Variants in DNAH12 observed in about 807,000 individuals in gnomAD.
The protein encoded by DNAH12 is axonemal beta dynein heavy chain 12.
In DNAH12, 285 loss-of-function variants were observed where a neutral mutation model predicts 371.5. The ratio of observed to expected loss-of-function variants is 0.77; its 90% confidence interval spans 0.70 to 0.85. The LOEUF is 0.85. Among genes scored for constraint, DNAH12 ranks in the 40% least tolerant of loss-of-function variants. The pLI is 0.00. For missense variants in DNAH12, 3,611 were observed against 3,689.4 expected (o/e 0.98, Z 0.55); for synonymous variants, 1,200 against 1,213.0 (o/e 0.99, Z 0.22).
rs1336803351 is a variant in DNAH12 at position 57,468,716 on chromosome 3, G to C, written c.2349+20C>G. 2 of 1,296,984 alleles carry C rather than the reference G, an allele frequency of 1.5e-6. No homozygotes were observed. Among genetic ancestry groups the C allele is most frequent in the Non-Finnish European group, 2.0e-6 (2 of 997,950 alleles). The allele number at this position is 1,296,984 out of a possible 1,614,324, so 80.3% of individuals were successfully genotyped here. ...GAGAAGATAGCTATAATATTAAAATGTTATTATATATATTTATACCTTAAA... is the reference window on the plus strand; with the variant it reads ...GAGAAGATAGCTATAATATTAAAATCTTATTATATATATTTATACCTTAAA... On this transcript the variant is annotated intron_variant, in intron 17 of 73. Transcript: ENST00000495027.
chr3:57,294,625 A>G (rs1003599528), intron 73 of DNAH12, among the ~76,000 whole-genome samples: 3 of 152,220 alleles, frequency 2.0e-5, no homozygotes, highest in Non-Finnish European at 4.4e-5. Flanking sequence ...AATACAGTAT[A>G]GGTAGTGGGG....
At chr3:57,365,673 C>T (rs2063034894) in intron 57 of DNAH12, among the ~76,000 whole-genome samples, 2 of 151,928 alleles carry the variant, frequency 1.3e-5, no homozygotes, top group Admixed American at 1.3e-4. Flanking sequence ...ATAATCTTAC[C>T]ACCACAGAGA....
intron 65 of DNAH12, among the ~76,000 whole-genome samples, chr3:57,319,653 C>G (rs1183859197): frequency 6.6e-6 from 1 of 152,096 alleles, no homozygotes; most frequent in Non-Finnish European, 1.5e-5. Flanking sequence ...GATCTCAGCT[C>G]ACTGCACCCT....
chr3:57,361,286 T>C lies in DNAH12; in HGVS notation c.9360+2308A>G, dbSNP rs914861707. Among the ~76,000 whole-genome samples the C allele has an allele frequency of 2.0e-5, 3 of 151,650 alleles. No homozygotes were observed. The East Asian group carries it at 5.8e-4, about 29-fold the overall frequency. ...AATTCCTTGAACCCGGAGGTGGATG[T>C]TGGAGTGTGCTGAGATCACGCCACT... On this transcript the variant is annotated intron_variant, in intron 58 of 73. Coordinates refer to ENST00000495027, the MANE Select transcript of DNAH12 (RefSeq NM_001366028.2).
rs567933934 is a variant in DNAH12 at position 57,518,222 on chromosome 3, GTTGA to G, written c.279+5357_279+5360del. 1.4e-3 allele frequency among the ~76,000 whole-genome samples: 212 copies of G among 151,676 alleles called. 1 individual carries two copies. The highest frequency in any genetic ancestry group is 2.0e-3 in the Non-Finnish European group (138 of 67,952). On this transcript the variant is annotated intron_variant, in intron 4 of 73. Transcript: ENST00000495027. ...ATTTTTAGTGCTCGATATCATAGTA[GTTGA>G]TTAAGAAGCAATTCCTGGCCGGGCA...
At chr3:57,327,659 C>T (rs895676382) in intron 62 of DNAH12, among the ~76,000 whole-genome samples, 13 of 151,482 alleles carry the variant, frequency 8.6e-5, no homozygotes, top group Non-Finnish European at 1.8e-4. Flanking sequence ...ACTAGAAAAG[C>T]AAGAGCAAAC....
At chr3:57,388,322 G>T (rs1643116556) in intron 45 of DNAH12, among the ~76,000 whole-genome samples, 1 of 152,080 alleles carries the variant, frequency 6.6e-6, no homozygotes, top group Non-Finnish European at 1.5e-5. Context: ...TTTCTTCTCA[G>T]CACTTACCAA....
At chr3:57,525,871 C>T (rs2068630156) in intron 2 of DNAH12, among the ~76,000 whole-genome samples, 1 of 143,074 alleles carries the variant, frequency 7.0e-6, no homozygotes, top group Non-Finnish European at 1.5e-5. Flanking sequence ...AAGCAATTCT[C>T]CTGCCTCAGC....
chr3:57,555,016 C>T, the DNAH12 span, among the ~76,000 whole-genome samples: 1 of 151,698 alleles, frequency 6.6e-6, no homozygotes, highest in East Asian at 1.9e-4. Flanking sequence ...GAGGGTAAGG[C>T]GGGGGGCTTG....
At chr3:57,409,600 C>G (rs1411426060) in intron 39 of DNAH12, among the ~76,000 whole-genome samples, 1 of 151,956 alleles carries the variant, frequency 6.6e-6, no homozygotes, top group African/African-American at 2.4e-5. Context: ...ATCACTAACT[C>G]AGGAGAGTGA....
intron 2 of DNAH12, among the ~76,000 whole-genome samples, chr3:57,535,929 C>A (rs1287723238): frequency 1.3e-5 from 2 of 151,962 alleles, no homozygotes; most frequent in Non-Finnish European, 2.9e-5. Flanking sequence ...CTCGGCCTCC[C>A]GGGTTCAAGT....
At chr3:57,528,248 G>C (rs757265783) in intron 2 of DNAH12, among the ~76,000 whole-genome samples, 6 of 151,038 alleles carry the variant, frequency 4.0e-5, no homozygotes, top group Admixed American at 1.3e-4. Flanking sequence ...GGCTGGTCTC[G>C]AACTCCTGAC....
At chr3:57,410,821 C>CA (rs36056798) in intron 39 of DNAH12, among the ~76,000 whole-genome samples, 66,502 of 146,468 alleles carry the variant, frequency 0.45, 14,903 homozygotes, top group South Asian at 0.56. Context: ...GTCTCAAAGG[C>CA]AAAAAAAAAA....
At position 57,309,712 on chromosome 3, in the gene DNAH12, C is replaced by G. The variant is rs767962750; in HGVS notation, c.11039G>C (p.Ser3680Thr). The G allele has an allele frequency of 6.5e-7, 1 of 1,549,312 alleles. No individual in the cohort carries two copies. The highest frequency in any genetic ancestry group is 1.2e-5 in the South Asian group (1 of 83,318). ...GGSKQTGASG[S>T]TDQILLEITK... is the part of the protein sequence containing the mutation. ...AATTTCTAACAGAATCTGATCAGTA[C>G]TTCCTGAGGCTCCTGTCTGTTTGGA... The change falls in exon 68 of 74, where the codon AGT (serine) becomes ACT (threonine). Residue 3680 changes from serine (S) to threonine (T), a missense_variant. By Grantham distance (58) the Ser-to-Thr change is moderately conservative (BLOSUM62 1). This residue lies in a region of DNAH12 where 2,266 missense variants were observed against 2,236.9 expected (regional missense o/e 1.01). Coordinates refer to ENST00000495027, the MANE Select transcript of DNAH12 (RefSeq NM_001366028.2).
At chr3:57,532,737 C>T (rs2068894810) in intron 2 of DNAH12, among the ~76,000 whole-genome samples, 1 of 152,182 alleles carries the variant, frequency 6.6e-6, no homozygotes. Flanking sequence ...TGGGATGACA[C>T]AAGCACTGCT....
chr3:57,474,785 C>T (rs1001261786), intron 13 of DNAH12, among the ~76,000 whole-genome samples: 12 of 151,960 alleles, frequency 7.9e-5, no homozygotes, highest in African/African-American at 2.4e-4. Flanking sequence ...GGTGAAACCC[C>T]GTCTCTACTA....
At chr3:57,352,352 C>T (rs768621066) in intron 59 of DNAH12, 127 bp from the exon 60 acceptor site, 22 of 1,000,410 alleles carry the variant, frequency 2.2e-5, no homozygotes, top group Middle Eastern at 3.2e-4. Flanking sequence ...GATACACACA[C>T]GAGGGCATGT....
At chr3:57,360,687 C>T (rs2062906977) in intron 58 of DNAH12, among the ~76,000 whole-genome samples, 1 of 9,284 alleles carries the variant, frequency 1.1e-4, no homozygotes, top group Non-Finnish European at 2.8e-4. Flanking sequence ...AACTCTGTAA[C>T]AACAACAACA....
intron 41 of DNAH12, among the ~76,000 whole-genome samples, 200 bp from the exon 42 acceptor site, chr3:57,405,347 G>A (rs1334907424): frequency 6.6e-6 from 1 of 152,130 alleles, no homozygotes; most frequent in Non-Finnish European, 1.5e-5. Context: ...ATGTTTTGTT[G>A]TTGTTAGGCT....
Sources: allele counts gnomAD v4.1 joint callset (sites outside exome capture counted in the v4.1 genomes callset), GRCh38; gene constraint gnomAD v4.1.1; regional missense constraint gnomAD v4.1.1; transcripts MANE v1.5; gene names NCBI Gene and HGNC (gene_info 2026-07-23, HGNC 2026-07-21).